EPHB1: variants seen among roughly 807,000 people sequenced by gnomAD.
EPHB1 encodes the protein EPH receptor B1, also known as ephrin type-B receptor 1.
In EPHB1, 30 loss-of-function variants were observed where a neutral mutation model predicts 94.4. That is an observed-to-expected ratio of 0.32 (90% CI 0.24 to 0.43). The LOEUF is 0.43. EPHB1 is among the 20% of genes least tolerant of loss of function. EPHB1 has a pLI of 1.00. For missense variants in EPHB1, 1,055 were observed against 1,308.3 expected (o/e 0.81, Z 2.99); for synonymous variants, 522 against 489.1 (o/e 1.07, Z -0.89).
chr3:134,921,499 T>A (rs1168218675), intron 1 of EPHB1, among the ~76,000 whole-genome samples: 10 of 152,234 alleles, frequency 6.6e-5, no homozygotes, highest in African/African-American at 2.2e-4. Context: ...ACTTTGCTTC[T>A]TGTCCTTTCC....
intron 3 of EPHB1, among the ~76,000 whole-genome samples, chr3:135,033,902 C>T (rs1288098453): frequency 1.3e-5 from 2 of 152,138 alleles, no homozygotes; most frequent in African/African-American, 4.8e-5. Context: ...CCGTAAGGGA[C>T]CCCAGAGGTT....
intron 4 of EPHB1, among the ~76,000 whole-genome samples, chr3:135,114,446 AATCCCAG>A (rs1939590994): frequency 6.7e-6 from 1 of 149,190 alleles, no homozygotes; most frequent in Non-Finnish European, 1.5e-5. Flanking sequence ...TCACACCTGT[AATCCCAG>A]CACTTTGGGA....
At chr3:134,942,744 TG>T (rs1317566136) in intron 2 of EPHB1, among the ~76,000 whole-genome samples, 1 of 152,234 alleles carries the variant, frequency 6.6e-6, no homozygotes, top group African/African-American at 2.4e-5. Context: ...TGGATTTCAC[TG>T]GTCCCAGATG....
intron 3 of EPHB1, among the ~76,000 whole-genome samples, chr3:135,076,209 T>A (rs553490178): frequency 4.7e-4 from 68 of 143,220 alleles, no homozygotes; most frequent in African/African-American, 1.8e-3. Flanking sequence ...GAGAAAAATA[T>A]TTGTATATCA....
intron 3 of EPHB1, among the ~76,000 whole-genome samples, chr3:134,982,316 GAA>G (rs1934432957): frequency 6.6e-6 from 1 of 152,112 alleles, no homozygotes; most frequent in Non-Finnish European, 1.5e-5. Flanking sequence ...AGGAGGGAGA[GAA>G]AGAGAGGGAA....
chr3:135,012,494 A>G (rs1033237185), intron 3 of EPHB1, among the ~76,000 whole-genome samples: 1 of 152,264 alleles, frequency 6.6e-6, no homozygotes, highest in Non-Finnish European at 1.5e-5. Context: ...TTATTAAAAC[A>G]AGAAAAATAC....
intron 3 of EPHB1, among the ~76,000 whole-genome samples, chr3:135,049,522 G>A (rs1052550434): frequency 6.6e-6 from 1 of 152,218 alleles, no homozygotes; most frequent in African/African-American, 2.4e-5. Context: ...CTCACAGCAT[G>A]GTGGCTGGAT....
intron 4 of EPHB1, among the ~76,000 whole-genome samples, chr3:135,120,661 C>T (rs1939920237): frequency 6.6e-6 from 1 of 152,170 alleles, no homozygotes; most frequent in Non-Finnish European, 1.5e-5. Context: ...TTCTCTTGAC[C>T]TTGAATTGTT....
intron 12 of EPHB1, among the ~76,000 whole-genome samples, chr3:135,219,229 G>A (rs937297163): frequency 6.6e-6 from 1 of 152,050 alleles, no homozygotes; most frequent in Non-Finnish European, 1.5e-5. Flanking sequence ...GCTCTGGAAG[G>A]GCCCTGGGAT....
At chr3:135,184,229 T>A (rs1209795101) in intron 10 of EPHB1, among the ~76,000 whole-genome samples, 1 of 152,134 alleles carries the variant, frequency 6.6e-6, no homozygotes, top group Non-Finnish European at 1.5e-5. Context: ...AGAGTAAGGC[T>A]GCCTGGCACC....
At chr3:135,192,508 G>C in intron 10 of EPHB1, 68 bp from the exon 11 acceptor site, 4 of 1,566,510 alleles carry the variant, frequency 2.6e-6, no homozygotes, top group Non-Finnish European at 3.5e-6. Context: ...TTCTCCATTA[G>C]ATGACTTCCC....
At chr3:135,217,394 A>G (rs1189734007) in intron 12 of EPHB1, among the ~76,000 whole-genome samples, 1 of 151,108 alleles carries the variant, frequency 6.6e-6, no homozygotes, top group African/African-American at 2.4e-5. Context: ...AACTTCCCCT[A>G]AAGCCTGCAA....
chr3:135,210,069 G>A (rs1187932894), intron 12 of EPHB1, among the ~76,000 whole-genome samples: 1 of 152,216 alleles, frequency 6.6e-6, no homozygotes, highest in East Asian at 1.9e-4. Flanking sequence ...GAAATTGGTT[G>A]AAGGAGTAGA....
chr3:134,901,756 G>C (rs185476620), intron 1 of EPHB1, among the ~76,000 whole-genome samples: 1 of 152,254 alleles, frequency 6.6e-6, no homozygotes, highest in African/African-American at 2.4e-5. Context: ...CTGGGGAGCT[G>C]TGTGGGTGGC....
intron 1 of EPHB1, among the ~76,000 whole-genome samples, chr3:134,864,662 C>T (rs566644464): frequency 1.2e-4 from 18 of 152,268 alleles, no homozygotes; most frequent in Non-Finnish European, 1.9e-4. Flanking sequence ...TTTCTGAAAC[C>T]GTTTTCTACT....
At chr3:135,223,595 A>C (rs1422636378) in intron 12 of EPHB1, among the ~76,000 whole-genome samples, 1 of 152,340 alleles carries the variant, frequency 6.6e-6, no homozygotes, top group East Asian at 1.9e-4. Context: ...TTCCAAAGCT[A>C]GGAGATTGTC....
At chr3:134,935,732 G>A (rs1001804224) in intron 2 of EPHB1, among the ~76,000 whole-genome samples, 3 of 152,118 alleles carry the variant, frequency 2.0e-5, no homozygotes, top group Non-Finnish European at 1.5e-5. Context: ...TGATGAAGGA[G>A]GGCCCCTGGA....
intron 1 of EPHB1, among the ~76,000 whole-genome samples, chr3:134,923,063 G>C (rs879257329): frequency 2.0e-5 from 3 of 152,078 alleles, no homozygotes; most frequent in Admixed American, 1.3e-4. Flanking sequence ...AAGTGGAGAT[G>C]GGGGGAGGGA....
rs567419143 is a variant in EPHB1, at chr3:135,257,345, G to T, written c.2847-1667G>T. Among the ~76,000 whole-genome samples, 1,200 of 152,152 alleles carry T rather than the reference G, an allele frequency of 7.9e-3. 15 individuals are homozygous for T. The highest frequency in any genetic ancestry group is 0.028 in the African/African-American group (1,152 of 41,494). ...GTTCTGTTTTTTCCCCATCTTTGTG[G>T]TTTTATCTACTTTTGGTCTTTGATG... On this transcript the variant is annotated intron_variant, in intron 15 of 15. Transcript: ENST00000398015.
Sources: allele counts gnomAD v4.1 joint callset (sites outside exome capture counted in the v4.1 genomes callset), GRCh38; gene constraint gnomAD v4.1.1; transcripts MANE v1.5; gene names NCBI Gene and HGNC (gene_info 2026-07-23, HGNC 2026-07-21).